The following EFHD1 variants were observed in gnomAD, a reference collection of about 807,000 sequenced individuals.
EFHD1 encodes the protein EF-hand domain family member D1, also known as EF-hand domain-containing protein D1.
Under a neutral mutation model 17.2 loss-of-function variants are expected in EFHD1, and 10 were observed. That is an observed-to-expected ratio of 0.58 (90% confidence interval 0.36 to 0.99). The LOEUF is 0.99. EFHD1 is among the 50% of genes least tolerant of loss of function. The pLI is 0.01. For synonymous variants in EFHD1, 153 were observed against 142.0 expected, an observed-to-expected ratio of 1.08 and a Z score of -0.55; for missense variants, 310 against 327.5, an observed-to-expected ratio of 0.95 and a Z score of 0.41.
chr2:232,618,615 C>T lies in EFHD1; in HGVS notation c.14+12442C>T, dbSNP rs565751464. 4.6e-4 allele frequency among the ~76,000 whole-genome samples: 70 copies of T among 150,904 alleles called. 1 individual carries two copies. Among genetic ancestry groups the T allele is most frequent in the Non-Finnish European group, 9.6e-4 (65 of 67,808 alleles). Reference sequence around the variant, plus strand: ...CATGCATCTTGTAGTCCCAGCTACCCGGGAGGCTGAGGTAAGAGGATTGCT... The same window carrying T: ...CATGCATCTTGTAGTCCCAGCTACCTGGGAGGCTGAGGTAAGAGGATTGCT... On this transcript the variant is annotated intron_variant, in intron 1 of 3. Transcript: ENST00000409613.
intron 1 of EFHD1, among the ~76,000 whole-genome samples, chr2:232,636,841 C>T (rs1694327749): frequency 6.6e-6 from 1 of 151,974 alleles, no homozygotes; most frequent in Admixed American, 6.6e-5. Flanking sequence ...AAAAAAAGTA[C>T]ACATTTTGTG....
upstream of EFHD1, among the ~76,000 whole-genome samples, chr2:232,629,970 T>C (rs1401829333): frequency 1.3e-5 from 2 of 151,888 alleles, no homozygotes; most frequent in African/African-American, 2.4e-5. Context: ...GTTTGTTTGT[T>C]TGAGACAGGG....
At chr2:232,680,924 T>C (rs1695268503) in intron 3 of EFHD1, among the ~76,000 whole-genome samples, 1 of 151,962 alleles carries the variant, frequency 6.6e-6, no homozygotes, top group South Asian at 2.1e-4. Context: ...CCCAGCACTT[T>C]GGGAGGCCAA....
At chr2:232,652,340 A>C (rs977812382) in intron 1 of EFHD1, among the ~76,000 whole-genome samples, 9 of 152,144 alleles carry the variant, frequency 5.9e-5, no homozygotes, top group African/African-American at 2.2e-4. Context: ...CACAGTTACA[A>C]CAGTGACCTG....
intron 1 of EFHD1, among the ~76,000 whole-genome samples, chr2:232,658,008 C>G (rs1694794360): frequency 7.0e-6 from 1 of 142,206 alleles, no homozygotes; most frequent in African/African-American, 2.6e-5. Context: ...TCAACAGATT[C>G]TTCTGCCTCA....
intron 3 of EFHD1, among the ~76,000 whole-genome samples, chr2:232,681,266 A>G (rs1695277255): frequency 6.6e-6 from 1 of 152,238 alleles, no homozygotes. Context: ...AAATTAAAAT[A>G]ATGTAAAAAT....
At chr2:232,646,419 T>C (rs1164796673) in intron 1 of EFHD1, among the ~76,000 whole-genome samples, 1 of 148,008 alleles carries the variant, frequency 6.8e-6, no homozygotes, top group Admixed American at 6.9e-5. Flanking sequence ...ATTCTCTCTT[T>C]TCTCTTCTCT....
intron 1 of EFHD1, among the ~76,000 whole-genome samples, chr2:232,619,746 T>A (rs1219979519): frequency 6.6e-6 from 1 of 152,042 alleles, no homozygotes; most frequent in Admixed American, 6.6e-5. Context: ...AATGGTGAAT[T>A]GGAGCCTGGT....
At position 232,682,420 on chromosome 2, in the gene EFHD1, GTAC is replaced by G. The variant is rs1399747589; in HGVS notation, c.*706_*708del. 6.6e-6 allele frequency: 1 copy of G among 152,288 alleles called. No homozygotes were observed. The highest frequency in any genetic ancestry group is 1.5e-5 in the Non-Finnish European group (1 of 68,080). The allele number at this position is 152,288 out of a possible 1,614,324, so 9.4% of individuals were successfully genotyped here. A position where few individuals can be genotyped will look rare whatever the true frequency, so the allele number is the denominator to read the frequency against. On this transcript the variant is annotated 3_prime_UTR_variant, in exon 4 of 4. Transcript: ENST00000264059. ...AGCCTTTTCCCCACTCTTAAATACT[GTAC>G]TACTTCACTGTAAGAACGAAAGAAT...
chr2:232,630,140 G>A (rs1472707517), upstream of EFHD1, among the ~76,000 whole-genome samples: 1 of 151,910 alleles, frequency 6.6e-6, no homozygotes, highest in Admixed American at 6.6e-5. Flanking sequence ...AGTAGAGGCG[G>A]GCTGTCACCA....
At chr2:232,626,561 A>T (rs10210166) in intron 1 of EFHD1, among the ~76,000 whole-genome samples, 2,024 of 152,220 alleles carry the variant, frequency 0.013, 39 homozygotes, top group African/African-American at 0.044. Flanking sequence ...TTAATTAATT[A>T]ATTTATTTAT....
chr2:232,624,960 C>T (rs934498361), intron 1 of EFHD1, among the ~76,000 whole-genome samples: 2 of 152,146 alleles, frequency 1.3e-5, no homozygotes, highest in African/African-American at 4.8e-5. Context: ...ACAACTTGCC[C>T]CACCACTCCC....
chr2:232,659,336 A>G (rs1006555963), intron 1 of EFHD1, among the ~76,000 whole-genome samples: 6 of 151,458 alleles, frequency 4.0e-5, no homozygotes, highest in Non-Finnish European at 8.8e-5. Context: ...CACCCACCAG[A>G]GGAAGGTGGT....
chr2:232,676,458 T>C (rs1028174225), intron 3 of EFHD1, among the ~76,000 whole-genome samples: 2 of 152,182 alleles, frequency 1.3e-5, no homozygotes, highest in Non-Finnish European at 2.9e-5. Context: ...ATGAGGATCC[T>C]ATGTGTTGAG....
chr2:232,650,675 T>C (rs1460051396), intron 1 of EFHD1, among the ~76,000 whole-genome samples: 1 of 150,498 alleles, frequency 6.6e-6, no homozygotes, highest in African/African-American at 2.5e-5. Context: ...TTCAAGCAAT[T>C]CTTGTGCCTC....
chr2:232,613,038 C>T (rs1693837849), intron 1 of EFHD1, among the ~76,000 whole-genome samples: 1 of 151,922 alleles, frequency 6.6e-6, no homozygotes, highest in Non-Finnish European at 1.5e-5. Context: ...TGGCCAGTTT[C>T]TTTAAAAAAT....
intron 1 of EFHD1, among the ~76,000 whole-genome samples, chr2:232,652,310 A>G (rs1694670749): frequency 6.6e-6 from 1 of 152,168 alleles, no homozygotes; most frequent in African/African-American, 2.4e-5. Flanking sequence ...TGGAGAGATA[A>G]TTGCCAAATG....
chr2:232,661,942 T>C (rs938484441), intron 1 of EFHD1: 1 of 152,212 alleles, frequency 6.6e-6, no homozygotes, highest in African/African-American at 2.4e-5. Context: ...GTAAACTGAT[T>C]TGTTTTTAGA....
At chr2:232,614,709 C>G (rs906641159) in intron 1 of EFHD1, among the ~76,000 whole-genome samples, 4 of 152,190 alleles carry the variant, frequency 2.6e-5, no homozygotes, top group Non-Finnish European at 5.9e-5. Flanking sequence ...GGCGCAGTGG[C>G]TAATGCCTGT....
Sources: allele counts gnomAD v4.1 joint callset (sites outside exome capture counted in the v4.1 genomes callset), GRCh38; gene constraint gnomAD v4.1.1; transcripts MANE v1.5; gene names NCBI Gene and HGNC (gene_info 2026-07-23, HGNC 2026-07-21).